The following CD101 variants were observed in gnomAD, a reference collection of about 807,000 sequenced individuals.
CD101 encodes CD101 molecule.
In CD101, 76 loss-of-function variants were observed where a neutral mutation model predicts 98.2. That is an observed-to-expected ratio of 0.77 (90% CI 0.64 to 0.94). CD101 has a LOEUF of 0.94. Ranked by LOEUF, CD101 falls within the 40% of genes least tolerant of loss-of-function variation. The pLI, the probability that CD101 is intolerant of heterozygous loss-of-function variation, is 0.00. For synonymous variants in CD101, 471 were observed against 472.7 expected (o/e 1.00, Z 0.05); for missense variants, 1,145 against 1,218.8 (o/e 0.94, Z 0.90).
intron 1 of CD101, 73 bp downstream of exon 1, chr1:117,001,933 G>A: frequency 7.0e-7 from 1 of 1,430,176 alleles, no homozygotes; most frequent in East Asian, 2.3e-5. Flanking sequence ...TGATGGAACA[G>A]GACAATTTGG....
rs1277344193 is a variant in CD101, at chr1:117,033,736, T to G, written c.2825-124T>G. The G allele has an allele frequency of 7.7e-7, 1 of 1,294,318 alleles. No individual in the cohort carries two copies. The highest frequency in any genetic ancestry group is 2.3e-5 in the East Asian group (1 of 42,666). 80.2% of individuals were successfully genotyped at this position (1,294,318 alleles called of 1,614,324 possible). ...GCTCCTCATGATTTCAGGGGCCCAC[T>G]GCTATTTGGCCCCATTATTTTTACA... On this transcript the variant is annotated intron_variant, in intron 8 of 9. Coordinates refer to ENST00000682167, the MANE Select transcript of CD101 (RefSeq NM_001256106.3). This position sits in a 1 kb window ranked among gnomAD's most constrained non-coding sequence, Gnocchi z 4.8.
chr1:117,034,695 T>C (rs953557456), intron 9 of CD101, among the ~76,000 whole-genome samples: 1 of 152,346 alleles, frequency 6.6e-6, no homozygotes, highest in East Asian at 1.9e-4. Context: ...GCTTAACTAA[T>C]ACAGGTTCTT....
Position 117,019,127 on chromosome 1 carries a change from C to T in CD101, c.2017+567C>T, listed in dbSNP as rs1653421412. Among the ~76,000 whole-genome samples, 1 of 152,196 alleles carries T rather than the reference C, an allele frequency of 6.6e-6. No individual in the cohort carries two copies. Among genetic ancestry groups the T allele is most frequent in the Admixed American group, 6.5e-5 (1 of 15,282 alleles). On this transcript the variant is annotated intron_variant, in intron 6 of 9. Transcript: ENST00000682167. This position sits in a 1 kb window ranked among gnomAD's most constrained non-coding sequence, Gnocchi z 4.3. ...GAGATACTACCTAGGCAAAGTTCTG[C>T]TGTGTCATGTATCTTCTCTCTTATA...
In CD101 at chr1:117,025,626, T is replaced by C; in HGVS notation, c.2546T>C (p.Met849Thr). The change falls in exon 8 of 10, where the codon ATG becomes ACG. Residue 849 changes from methionine to threonine, a missense_variant. Transcript: ENST00000682167. ...AGCTCAGCCACTCTGTACTCTGTGA[T>C]GTGGTACTGGAACAGAGAAAACTCT... ...VGSSATLYSV[M>T]WYWNRENSGS... is the part of the protein sequence containing the mutation. 1 of 1,614,160 alleles carries C rather than the reference T, an allele frequency of 6.2e-7. No homozygotes were observed. The highest frequency in any genetic ancestry group is 2.2e-5 in the East Asian group (1 of 44,882).
At chr1:117,016,784 A>G (rs1653244801) in intron 4 of CD101, among the ~76,000 whole-genome samples, 1 of 152,188 alleles carries the variant, frequency 6.6e-6, no homozygotes, top group Admixed American at 6.5e-5. Context: ...TGAGCCAAGG[A>G]GTTTGAGGTT....
rs541526993 is a variant in CD101 at position 117,004,999 on chromosome 1, C to T, written c.43+3139C>T. 6.0e-4 allele frequency among the ~76,000 whole-genome samples: 92 copies of T among 152,192 alleles called. No individual in the cohort carries two copies. The highest frequency in any genetic ancestry group is 2.1e-3 in the African/African-American group (89 of 41,520). ...ATAGCACCTTCTAACTGTGTCCTCACGTGGCAGAAGGGGCTAGCGAGCTTC... is the reference window on the plus strand; with the variant it reads ...ATAGCACCTTCTAACTGTGTCCTCATGTGGCAGAAGGGGCTAGCGAGCTTC... On this transcript the variant is annotated intron_variant, in intron 1 of 9. Transcript: ENST00000682167. This position sits in a 1 kb window ranked among gnomAD's most constrained non-coding sequence, Gnocchi z 4.1.
At chr1:117,017,602 C>G in intron 5 of CD101, 129 bp downstream of exon 5, 1 of 857,350 alleles carries the variant, frequency 1.2e-6, no homozygotes, top group Non-Finnish European at 1.8e-6. Context: ...GAGCTAGTCT[C>G]TGGCTACCCT....
chr1:117,013,816 T>G, intron 4 of CD101, 24 bp downstream of exon 4: 1 of 1,580,800 alleles, frequency 6.3e-7, no homozygotes, highest in South Asian at 1.2e-5. Context: ...AGGCCAGGCA[T>G]GCATTGGGCT....
At chr1:117,026,391 C>A (rs1340021477) in intron 8 of CD101, 2 of 152,972 alleles carry the variant, frequency 1.3e-5, no homozygotes, top group Admixed American at 1.3e-4. Context: ...TAGGTGCATC[C>A]CAGCGCAGCA....
Position 117,009,892 on chromosome 1 carries a change from G to T in CD101, c.86G>T (p.Gly29Val), listed in dbSNP as rs766817162. 1.2e-6 allele frequency: 2 copies of T among 1,612,962 alleles called. No individual in the cohort carries two copies. Among genetic ancestry groups the T allele is most frequent in the African/African-American group, 2.7e-5 (2 of 75,002 alleles). The change falls in exon 2 of 10, where the codon GGA becomes GTA. Residue 29 changes from glycine (G) to valine (V), a missense_variant. Transcript: ENST00000682167. Reference sequence around the variant, plus strand: ...CAGAGAGAAGTAACAGTTCAGAAAGGACCACTGTTTAGAGCTGAAGGTTAC... The same window carrying T: ...CAGAGAGAAGTAACAGTTCAGAAAGTACCACTGTTTAGAGCTGAAGGTTAC... ...IGQREVTVQK[G>V]PLFRAEGYPV...
At position 117,021,251 on chromosome 1, in the gene CD101, C is replaced by A. The variant is rs72699134; in HGVS notation, c.2018-322C>A. On this transcript the variant is annotated intron_variant, in intron 6 of 9. Transcript: ENST00000682167. This position sits in a 1 kb window ranked among gnomAD's most constrained non-coding sequence, Gnocchi z 4.7. ...TGTGGAAGAGAGATACTGGGCTTGTCTGTGTGACACTCCCTCTGCCACACC... is the reference window on the plus strand; with the variant it reads ...TGTGGAAGAGAGATACTGGGCTTGTATGTGTGACACTCCCTCTGCCACACC... Among the ~76,000 whole-genome samples the A allele has an allele frequency of 0.012, 1,801 of 152,296 alleles. 15 individuals carry two copies. Among genetic ancestry groups the A allele is most frequent in the Non-Finnish European group, 0.019 (1,279 of 68,020 alleles).
Position 117,012,181 on chromosome 1 carries a change from T to C in CD101, c.841+215T>C, listed in dbSNP as rs977781677. On this transcript the variant is annotated intron_variant, in intron 3 of 9. Transcript: ENST00000682167. This position sits in a 1 kb window ranked among gnomAD's most constrained non-coding sequence, Gnocchi z 4.0. Reference sequence around the variant, plus strand: ...CACGGATTCTTTATGGGATAAGGTCTACTGAGTGGCTAGATCGATTCCACA... The same window carrying C: ...CACGGATTCTTTATGGGATAAGGTCCACTGAGTGGCTAGATCGATTCCACA... 4.6e-5 allele frequency among the ~76,000 whole-genome samples: 7 copies of C among 152,238 alleles called. No homozygotes were observed. Among genetic ancestry groups the C allele is most frequent in the Non-Finnish European group, 5.9e-5 (4 of 68,038 alleles).
intron 1 of CD101, among the ~76,000 whole-genome samples, chr1:117,002,489 G>A (rs1376680026): frequency 6.6e-6 from 1 of 152,174 alleles, no homozygotes; most frequent in African/African-American, 2.4e-5. Context: ...AAAATTTGGA[G>A]GTAGAAGGGA....
rs972184625 is a variant in CD101, at chr1:117,001,770, T to A, written c.-48T>A. On this transcript the variant is annotated 5_prime_UTR_variant, in exon 1 of 10. Coordinates refer to ENST00000682167, the MANE Select transcript of CD101 (RefSeq NM_001256106.3). ...AGCACAGCATTTGTCACTCAACCTC[T>A]GAATGTTAGTGACACTATTGGGACG... is the stretch of plus-strand genomic sequence containing the variant. 4 of 1,573,522 alleles carry A rather than the reference T, an allele frequency of 2.5e-6. No homozygotes were observed. In the African/African-American group the frequency reaches 5.4e-5, roughly 21 times the overall value.
At chr1:117,017,995 G>A (rs1653342083) in intron 5 of CD101, among the ~76,000 whole-genome samples, 161 bp from the exon 6 acceptor site, 1 of 152,142 alleles carries the variant, frequency 6.6e-6, no homozygotes, top group Admixed American at 6.5e-5. Flanking sequence ...CACAGTTCAG[G>A]ACAGACTGTA....
chr1:117,022,963 T>C lies in CD101; in HGVS notation c.2428+980T>C, dbSNP rs1315036172. ...CCTCAGGGATAGATCCTGGGCCTGT[T>C]TTGCTTCTTATTCTCTGCTTTCCTC... is the stretch of plus-strand genomic sequence containing the variant. On this transcript the variant is annotated intron_variant, in intron 7 of 9. Transcript: ENST00000682167. This position sits in a 1 kb window ranked among gnomAD's most constrained non-coding sequence, Gnocchi z 4.8. Among the ~76,000 whole-genome samples the C allele has an allele frequency of 6.6e-6, 1 of 152,162 alleles. No individual in the cohort carries two copies. The highest frequency in any genetic ancestry group is 1.5e-5 in the Non-Finnish European group (1 of 68,026).
chr1:117,025,560 A>G lies in CD101; in HGVS notation c.2480A>G (p.His827Arg), dbSNP rs1197827574. ...KVYWTENVTE[H>R]REVAIRCSLE... ...TACTGGACCGAAAATGTGACTGAGC[A>G]CAGAGAAGTGGCCATCCGCTGCAGC... Residue 827 changes from histidine (H) to arginine (R), a missense_variant, in exon 8 of 10, where the codon CAC (histidine) becomes CGC (arginine). Physicochemically the swap from His to Arg is conservative, Grantham distance 29 (BLOSUM62 0). Transcript: ENST00000682167. 1.9e-6 allele frequency: 3 copies of G among 1,609,990 alleles called. No individual in the cohort carries two copies. The highest frequency in any genetic ancestry group is 2.5e-6 in the Non-Finnish European group (3 of 1,178,362).
Position 117,004,869 on chromosome 1 carries a change from C to T in CD101, c.43+3009C>T, listed in dbSNP as rs763582581. Among the ~76,000 whole-genome samples, 71 of 68,742 alleles carry T rather than the reference C, an allele frequency of 1.0e-3. No individual in the cohort carries two copies. Among genetic ancestry groups the T allele is most frequent in the Non-Finnish European group, 1.4e-3 (50 of 35,848 alleles). 45.1% of individuals were successfully genotyped at this position (68,742 alleles called of 152,430 possible). On this transcript the variant is annotated intron_variant, in intron 1 of 9. Coordinates refer to ENST00000682167, the MANE Select transcript of CD101 (RefSeq NM_001256106.3). The surrounding 1 kb of genome is among the most constrained non-coding windows in gnomAD (Gnocchi z 4.1). The stretch of plus-strand genomic sequence containing the variant: ...GTAGCAAAAGTACCATAAACTGGGG[C>T]GGGTGGGGGAGGGGGGCTTATAAAC...
chr1:117,025,180 T>A (rs1165750913), intron 7 of CD101, among the ~76,000 whole-genome samples: 2 of 152,038 alleles, frequency 1.3e-5, no homozygotes. Context: ...CTGGCCAACA[T>A]GGTGAAACCC....
Sources: allele counts gnomAD v4.1 joint callset (sites outside exome capture counted in the v4.1 genomes callset), GRCh38; gene constraint gnomAD v4.1.1; non-coding constraint Gnocchi (gnomAD v3.1); transcripts MANE v1.5; gene names NCBI Gene and HGNC (gene_info 2026-07-23, HGNC 2026-07-21).